The following CCDC157 variants were observed in gnomAD, a reference collection of about 807,000 sequenced individuals.
CCDC157 encodes the protein coiled-coil domain-containing protein 157.
Under a neutral mutation model 70.9 loss-of-function variants are expected in CCDC157, and 60 were observed. The ratio of observed to expected loss-of-function variants is 0.85; its 90% CI spans 0.69 to 1.05. CCDC157 has a LOEUF of 1.05. Among genes scored for constraint, CCDC157 ranks in the 50% least tolerant of loss-of-function variants. The pLI is 0.00. For missense variants in CCDC157, 943 were observed against 984.2 expected, an observed-to-expected ratio of 0.96 and a Z score of 0.56; for synonymous variants, 373 against 422.4, an observed-to-expected ratio of 0.88 and a Z score of 1.43.
At position 30,370,337 on chromosome 22, in the gene CCDC157, C is replaced by T. The variant is rs950434502; in HGVS notation, c.432C>T (p.Asn144=). Residue 144 remains asparagine, a synonymous_variant, in exon 5 of 12, where the codon AAC becomes AAT. Coordinates refer to ENST00000338306, the MANE Select transcript of CCDC157 (RefSeq NM_001017437.5). The part of the protein sequence containing the change: ...HQQPLPQKGA[N]QRETPTSKPT... Reference sequence around the variant, plus strand: ...TTTTCTGAACACAGAAAGGGGCAAACCAAAGGGAGACTCCCACCTCCAAGC... The same window carrying T: ...TTTTCTGAACACAGAAAGGGGCAAATCAAAGGGAGACTCCCACCTCCAAGC... 6.2e-7 allele frequency: 1 copy of T among 1,613,686 alleles called. No homozygotes were observed. The highest frequency in any genetic ancestry group is 1.3e-5 in the African/African-American group (1 of 74,918).
chr22:30,376,692 C>T lies in CCDC157; in HGVS notation c.2206C>T (p.Pro736Ser). Reference protein sequence around the residue: ...VLVRLRKRLSPGRGQASSAHQ... With the variant: ...VLVRLRKRLSSGRGQASSAHQ... Reference sequence around the variant, plus strand: ...GGTCAGGCTGAGAAAGAGACTGTCACCTGGCCGGGGACAGGCCAGCTCTGC... The same window carrying T: ...GGTCAGGCTGAGAAAGAGACTGTCATCTGGCCGGGGACAGGCCAGCTCTGC... The change falls in exon 12 of 12, where the codon CCT becomes TCT. Residue 736 changes from proline to serine, a missense_variant. Coordinates refer to ENST00000338306, the MANE Select transcript of CCDC157 (RefSeq NM_001017437.5). The T allele has an allele frequency of 6.2e-7, 1 of 1,613,486 alleles. No individual in the cohort carries two copies. Among genetic ancestry groups the T allele is most frequent in the Non-Finnish European group, 8.5e-7 (1 of 1,180,038 alleles).
intron 10 of CCDC157, 115 bp downstream of exon 10, chr22:30,375,778 A>G: frequency 1.3e-5 from 12 of 890,234 alleles, no homozygotes; most frequent in South Asian, 1.8e-5. Context: ...ATGAGGCCTT[A>G]GGCTGTGCTT....
At chr22:30,359,777 T>C (rs1407493287) in intron 1 of CCDC157, among the ~76,000 whole-genome samples, 1 of 152,236 alleles carries the variant, frequency 6.6e-6, no homozygotes, top group East Asian at 1.9e-4. Context: ...CTGTTAAAAT[T>C]AAAGTTAATT....
Position 30,357,030 on chromosome 22 carries a change from G to A in CCDC157, c.-268G>A. On this transcript the variant is annotated 5_prime_UTR_variant, in exon 1 of 12. Transcript: ENST00000338306. ...CCGTTGCCAAGGCAGCGGCCTGAGCGCCCGGCTAGGGCTTTTCGGGGATCC... is the reference window on the plus strand; with the variant it reads ...CCGTTGCCAAGGCAGCGGCCTGAGCACCCGGCTAGGGCTTTTCGGGGATCC... 7.7e-6 allele frequency: 3 copies of A among 388,294 alleles called. No individual in the cohort carries two copies. The highest frequency in any genetic ancestry group is 1.2e-4 in the South Asian group (1 of 8,156). The allele number at this position is 388,294 out of a possible 1,614,324, so 24.1% of individuals were successfully genotyped here. A position where few individuals can be genotyped will look rare whatever the true frequency, so the allele number is the denominator to read the frequency against.
intron 9 of CCDC157, chr22:30,374,743 G>A (rs754034798): frequency 8.8e-6 from 4 of 456,572 alleles, no homozygotes; most frequent in Admixed American, 4.7e-5. Context: ...GCAGGAAACT[G>A]AACCAGAAGG....
At chr22:30,360,241 C>T (rs1315291088) in intron 1 of CCDC157, among the ~76,000 whole-genome samples, 5 of 152,108 alleles carry the variant, frequency 3.3e-5, no homozygotes, top group Non-Finnish European at 2.9e-5. Context: ...CGGTGGCTCA[C>T]GCCTGTAATC....
At position 30,374,033 on chromosome 22, in the gene CCDC157, G is replaced by A. The variant is rs1448151450; in HGVS notation, c.1614G>A (p.Arg538=). 6.2e-7 allele frequency: 1 copy of A among 1,609,028 alleles called. No individual in the cohort carries two copies. Among genetic ancestry groups the A allele is most frequent in the East Asian group, 2.2e-5 (1 of 44,734 alleles). ...LERELEELKE[R]ERLLVAFPDL... is the part of the protein sequence containing the mutation. ...GGGAGCTGGAGGAGCTGAAGGAGCGGGAGCGGCTGCTGGTGGCCTTCCCAG... is the reference window on the plus strand; with the variant it reads ...GGGAGCTGGAGGAGCTGAAGGAGCGAGAGCGGCTGCTGGTGGCCTTCCCAG... The change falls in exon 9 of 12, where the codon CGG becomes CGA. Residue 538 remains arginine (R), a synonymous_variant. Transcript: ENST00000338306.
chr22:30,359,937 GA>G (rs1478207059), intron 1 of CCDC157, among the ~76,000 whole-genome samples: 1 of 152,148 alleles, frequency 6.6e-6, no homozygotes, highest in Non-Finnish European at 1.5e-5. Flanking sequence ...TTGAGGCCAA[GA>G]GGCCAGGACC....
At chr22:30,374,952 GTC>G (rs768389138) in intron 9 of CCDC157, 5 of 285,790 alleles carry the variant, frequency 1.7e-5, no homozygotes, top group South Asian at 5.3e-5. Flanking sequence ...TATTTGCTAA[GTC>G]TTTTTTTTTT....
chr22:30,375,757 C>T, intron 10 of CCDC157, 94 bp downstream of exon 10: 2 of 1,069,968 alleles, frequency 1.9e-6, no homozygotes, highest in Non-Finnish European at 2.7e-6. Flanking sequence ...GTGGAGAGCC[C>T]ACCTCATCAC....
At chr22:30,362,224 C>G (rs1431468259) in intron 2 of CCDC157, 110 bp downstream of exon 2, 1 of 152,288 alleles carries the variant, frequency 6.6e-6, no homozygotes, top group Non-Finnish European at 1.5e-5. Context: ...TCCTCTCAGC[C>G]CAGGTGACCA....
intron 2 of CCDC157, among the ~76,000 whole-genome samples, chr22:30,363,655 G>A (rs987671947): frequency 2.7e-5 from 4 of 148,350 alleles, no homozygotes; most frequent in Admixed American, 6.7e-5. Context: ...TTTCAAAATA[G>A]CTAGAAGAAA....
At chr22:30,363,683 CT>C (rs55722661) in intron 2 of CCDC157, among the ~76,000 whole-genome samples, 63,193 of 113,504 alleles carry the variant, frequency 0.56, 17,865 homozygotes, top group South Asian at 0.77. Flanking sequence ...GAATGTTTCT[CT>C]TTTTTTTTTT....
upstream of CCDC157, chr22:30,356,719 G>C: frequency 6.7e-7 from 1 of 1,487,460 alleles, no homozygotes; most frequent in Non-Finnish European, 9.0e-7. Flanking sequence ...TGAGGGGCGG[G>C]GGAGAGGTAC....
chr22:30,363,188 G>A (rs1001322780), intron 2 of CCDC157, among the ~76,000 whole-genome samples: 3 of 152,206 alleles, frequency 2.0e-5, no homozygotes, highest in African/African-American at 7.2e-5. Context: ...GACCAGGGCA[G>A]TGTCTCGCTT....
intron 2 of CCDC157, 36 bp from the exon 3 acceptor site, chr22:30,365,954 G>A (rs1016397834): frequency 6.5e-7 from 1 of 1,530,270 alleles, no homozygotes. Flanking sequence ...CAGCCACGTG[G>A]CTCTGGCTGG....
intron 4 of CCDC157, chr22:30,369,808 T>C (rs1932856238): frequency 2.0e-6 from 1 of 489,390 alleles, no homozygotes; most frequent in Admixed American, 3.7e-5. Context: ...CCTTGCTCCC[T>C]GGCTCTGACA....
At chr22:30,368,144 G>A (rs762915042) in intron 3 of CCDC157, among the ~76,000 whole-genome samples, 1 of 152,234 alleles carries the variant, frequency 6.6e-6, no homozygotes, top group Non-Finnish European at 1.5e-5. Flanking sequence ...AGGATGACCT[G>A]CCTAGGGACA....
intron 1 of CCDC157, among the ~76,000 whole-genome samples, chr22:30,360,076 A>G (rs906190483): frequency 3.3e-5 from 5 of 152,162 alleles, no homozygotes; most frequent in African/African-American, 1.2e-4. Flanking sequence ...CCCAGGAGTT[A>G]AAGGTTACAA....
Sources: gnomAD v4.1 joint callset for allele counts (sites outside exome capture counted in the v4.1 genomes callset) on GRCh38, gnomAD v4.1.1 for gene constraint, MANE v1.5 for transcripts, NCBI Gene and HGNC (gene_info 2026-07-23, HGNC 2026-07-21) for gene names.